Variants in COL4A2 observed in about 807,000 individuals in gnomAD.
The protein encoded by COL4A2 is collagen type IV alpha 2 chain, also known as collagen alpha-2(IV) chain.
COL4A2 carries 99 observed loss-of-function variants against 200.2 expected under a neutral mutation model. The observed-to-expected ratio is 0.49, with a 90% CI of 0.42 to 0.58. The LOEUF is 0.58. COL4A2 is among the 20% of genes least tolerant of loss of function. The pLI is 0.00. For synonymous variants in COL4A2, 897 were observed against 900.6 expected (o/e 1.00, Z 0.07); for missense variants, 1,950 against 2,314.1 (o/e 0.84, Z 3.23).
At chr13:110,317,074 A>C (rs1386273719) in intron 3 of COL4A2, among the ~76,000 whole-genome samples, 1 of 151,882 alleles carries the variant, frequency 6.6e-6, no homozygotes, top group Admixed American at 6.6e-5. Context: ...ACGTAGACAC[A>C]CACATGCACC....
At chr13:110,350,057 C>T (rs1382984813) in intron 3 of COL4A2, among the ~76,000 whole-genome samples, 1 of 152,174 alleles carries the variant, frequency 6.6e-6, no homozygotes. Context: ...GCCACCACAC[C>T]CAGCCCAATT....
intron 34 of COL4A2, among the ~76,000 whole-genome samples, chr13:110,488,601 G>A (rs758265796): frequency 2.7e-4 from 41 of 152,364 alleles, no homozygotes; most frequent in Middle Eastern, 3.4e-3. Context: ...AATCTGCAGA[G>A]AGCAAGCTCT....
At position 110,446,772 on chromosome 13, in the gene COL4A2, C is replaced by A. The variant is rs761886249; in HGVS notation, c.1012-26C>A. On this transcript the variant is annotated intron_variant, in intron 17 of 47. Transcript: ENST00000360467. ...AAACTCCAAAAGGCTATTCTCACAT[C>A]CTGTTTTTCTCTTTTCTTTCTCTAG... is the stretch of plus-strand genomic sequence containing the variant. The A allele has an allele frequency of 1.9e-6, 3 of 1,598,338 alleles. No individual in the cohort carries two copies. In the South Asian group the frequency reaches 3.3e-5, roughly 18 times the overall value.
At chr13:110,359,465 C>T (rs1382479638) in intron 4 of COL4A2, among the ~76,000 whole-genome samples, 1 of 152,206 alleles carries the variant, frequency 6.6e-6, no homozygotes, top group Admixed American at 6.5e-5. Flanking sequence ...ACATGCTTGT[C>T]TACACCTTCG....
At position 110,438,597 on chromosome 13, in the gene COL4A2, G is replaced by A. The variant is rs760185810; in HGVS notation, c.862-21G>A. On this transcript the variant is annotated intron_variant, in intron 14 of 47. Coordinates refer to ENST00000360467, the MANE Select transcript of COL4A2 (RefSeq NM_001846.4). ...GGGCCGCCCCTGGGTTGCTCCTTACGCCCCCTCTGCTCTCTCCTAGGGCAT... is the reference window on the plus strand; with the variant it reads ...GGGCCGCCCCTGGGTTGCTCCTTACACCCCCTCTGCTCTCTCCTAGGGCAT... 61 of 1,614,144 alleles carry A rather than the reference G, an allele frequency of 3.8e-5. No homozygotes were observed. In the Admixed American group the frequency reaches 6.5e-4, roughly 17 times the overall value.
intron 16 of COL4A2, among the ~76,000 whole-genome samples, chr13:110,441,647 G>A (rs539859776): frequency 6.6e-6 from 1 of 152,190 alleles, no homozygotes; most frequent in East Asian, 1.9e-4. Flanking sequence ...TATTGTAAAG[G>A]GACAGAGGCT....
intron 3 of COL4A2, among the ~76,000 whole-genome samples, chr13:110,342,317 T>G (rs956404961): frequency 6.6e-6 from 1 of 152,240 alleles, no homozygotes; most frequent in Non-Finnish European, 1.5e-5. Flanking sequence ...AGGTGAATTC[T>G]GGAAGCCATA....
chr13:110,496,593 G>A (rs1351593282), intron 40 of COL4A2, among the ~76,000 whole-genome samples: 4 of 138,762 alleles, frequency 2.9e-5, no homozygotes, highest in East Asian at 4.7e-4. Flanking sequence ...CTCAGTCAGA[G>A]TTGAGGATCT....
At position 110,508,416 on chromosome 13, in the gene COL4A2, C is replaced by T; in HGVS notation, c.4881+195C>T. The T allele has an allele frequency of 2.4e-6, 2 of 846,998 alleles. No homozygotes were observed. Among genetic ancestry groups the T allele is most frequent in the East Asian group, 2.7e-5 (1 of 37,216 alleles). 52.5% of individuals were successfully genotyped at this position (846,998 alleles called of 1,614,324 possible). On this transcript the variant is annotated intron_variant, in intron 47 of 47. Transcript: ENST00000360467. This position sits in a 1 kb window ranked among gnomAD's most constrained non-coding sequence, Gnocchi z 6.1. ...ACTGAGCCACATGCTGGGCACAGGGCTTCCTCCACCCAGAAAGGGCTCATT... is the reference window on the plus strand; with the variant it reads ...ACTGAGCCACATGCTGGGCACAGGGTTTCCTCCACCCAGAAAGGGCTCATT...
chr13:110,414,238 C>T (rs528882542), intron 4 of COL4A2, among the ~76,000 whole-genome samples: 11 of 152,198 alleles, frequency 7.2e-5, no homozygotes, highest in South Asian at 2.1e-4. Flanking sequence ...GATGCTGGGG[C>T]GTTCACACTC....
intron 4 of COL4A2, among the ~76,000 whole-genome samples, chr13:110,409,264 G>A (rs995259076): frequency 6.6e-6 from 1 of 152,176 alleles, no homozygotes; most frequent in Admixed American, 6.5e-5. Flanking sequence ...AAGCTTTCTA[G>A]GAATAATCTT....
At chr13:110,335,811 A>G (rs1408347092) in intron 3 of COL4A2, among the ~76,000 whole-genome samples, 1 of 152,218 alleles carries the variant, frequency 6.6e-6, no homozygotes, top group East Asian at 1.9e-4. Flanking sequence ...TGGAGTTTAA[A>G]CTACTTCACA....
chr13:110,508,796 G>T lies in COL4A2; in HGVS notation c.4881+575G>T, dbSNP rs1883975590. Among the ~76,000 whole-genome samples the T allele has an allele frequency of 6.6e-6, 1 of 152,138 alleles. No homozygotes were observed. The highest frequency in any genetic ancestry group is 1.5e-5 in the Non-Finnish European group (1 of 68,030). ...GCCCACCCTTCCGGATCGCCTTTGG[G>T]TATAAAATAGAGAACCCTCAGCTTT... On this transcript the variant is annotated intron_variant, in intron 47 of 47. Transcript: ENST00000360467. This position sits in a 1 kb window ranked among gnomAD's most constrained non-coding sequence, Gnocchi z 6.1.
In COL4A2 at chr13:110,503,900, G is replaced by A. The variant is rs545854852; in HGVS notation, c.4192G>A (p.Ala1398Thr). The change falls in exon 44 of 48, where the codon GCC (alanine) becomes ACC (threonine). Residue 1398 changes from alanine to threonine, a missense_variant. Transcript: ENST00000360467. The part of the protein sequence containing the change: ...PGIAGIPQKI[A>T]VQPGTVGPQG... ...GATTGCAGGAATCCCCCAGAAGATT[G>A]CCGTCCAACCAGGGACAGTGGGTCC... The A allele has an allele frequency of 3.7e-6, 6 of 1,613,466 alleles. No homozygotes were observed. In the East Asian group the frequency reaches 1.3e-4, roughly 36 times the overall value.
At chr13:110,498,304 CGTT>C (rs2139545545) in intron 40 of COL4A2, among the ~76,000 whole-genome samples, 1 of 152,306 alleles carries the variant, frequency 6.6e-6, no homozygotes, top group East Asian at 1.9e-4. Context: ...TGAAACATAG[CGTT>C]GTTTTCAGAG....
intron 26 of COL4A2, 87 bp downstream of exon 26, chr13:110,466,149 A>T (rs1190686446): frequency 3.4e-6 from 5 of 1,469,362 alleles, no homozygotes; most frequent in Non-Finnish European, 4.6e-6. Flanking sequence ...GCGTGGGATA[A>T]GAAATATTAA....
chr13:110,445,012 G>A lies in COL4A2; in HGVS notation c.958-817G>A, dbSNP rs113458445. On this transcript the variant is annotated intron_variant, in intron 16 of 47. Transcript: ENST00000360467. Reference sequence around the variant, plus strand: ...ACTGCAGGTGCCTGCCACCATGCCCGGTTACATTATGTATTTTTTGTAGAG... The same window carrying A: ...ACTGCAGGTGCCTGCCACCATGCCCAGTTACATTATGTATTTTTTGTAGAG... Among the ~76,000 whole-genome samples, 1,078 of 152,132 alleles carry A rather than the reference G, an allele frequency of 7.1e-3. 9 individuals carry two copies. The highest frequency in any genetic ancestry group is 0.022 in the African/African-American group (911 of 41,478).
At chr13:110,391,611 G>A (rs551489187) in intron 4 of COL4A2, among the ~76,000 whole-genome samples, 13 of 152,218 alleles carry the variant, frequency 8.5e-5, no homozygotes, top group Non-Finnish European at 1.6e-4. Context: ...TGGCTCTACC[G>A]CTTACTAGCG....
At chr13:110,395,774 G>A (rs896544009) in intron 4 of COL4A2, among the ~76,000 whole-genome samples, 6 of 152,076 alleles carry the variant, frequency 3.9e-5, no homozygotes, top group Non-Finnish European at 7.4e-5. Flanking sequence ...ACGAAACTCC[G>A]TCTCTGCTAA....
Sources: allele counts gnomAD v4.1 joint callset (sites outside exome capture counted in the v4.1 genomes callset), GRCh38; gene constraint gnomAD v4.1.1; non-coding constraint Gnocchi (gnomAD v3.1); transcripts MANE v1.5; gene names NCBI Gene and HGNC (gene_info 2026-07-23, HGNC 2026-07-21).